Variants in ARSF observed in about 807,000 individuals in gnomAD.
ARSF encodes the protein arylsulfatase F.
A neutral mutation model predicts 35.4 loss-of-function variants in ARSF; 33 were observed. The ratio of observed to expected loss-of-function variants is 0.93; its 90% CI spans 0.71 to 1.25. The LOEUF (loss-of-function observed/expected upper bound fraction) is 1.25. Among genes scored for constraint, ARSF ranks in the 50% most tolerant of loss-of-function variants. The pLI is 0.00. For missense variants in ARSF, 501 were observed against 480.2 expected (o/e 1.04, Z -0.40); for synonymous variants, 222 against 193.1 (o/e 1.15, Z -1.24).
At chrX:3,070,926 G>A (rs1044859684) in intron 2 of ARSF, among the ~76,000 whole-genome samples, 4 of 95,763 alleles carry the variant, frequency 4.2e-5, no homozygotes, top group African/African-American at 1.5e-4. Flanking sequence ...TTATGGCTGA[G>A]TAGTATTCCA....
chrX:3,083,010 C>T (rs1217877884), intron 5 of ARSF, among the ~76,000 whole-genome samples: 1 of 109,661 alleles, frequency 9.1e-6, no homozygotes, highest in African/African-American at 3.3e-5. Context: ...CTCACTCTAT[C>T]TCTATCATCT....
chrX:3,059,136 C>A (rs1381481889), intron 1 of ARSF, among the ~76,000 whole-genome samples: 1 of 111,531 alleles, frequency 9.0e-6, no homozygotes, highest in Non-Finnish European at 1.9e-5. Context: ...ATCTGAATTA[C>A]AGTCACTTTT....
chrX:3,098,371 C>T (rs1433028958), intron 7 of ARSF, among the ~76,000 whole-genome samples: 1 of 109,758 alleles, frequency 9.1e-6, no homozygotes, highest in Admixed American at 9.8e-5. Flanking sequence ...GAGAGAGATG[C>T]ATCTACAAGA....
At chrX:3,108,437 C>A (rs1200894709) in intron 9 of ARSF, among the ~76,000 whole-genome samples, 1 of 111,468 alleles carries the variant, frequency 9.0e-6, no homozygotes, top group Non-Finnish European at 1.9e-5. Flanking sequence ...AAATATAGTT[C>A]ATTTCTCCAT....
intron 1 of ARSF, among the ~76,000 whole-genome samples, chrX:3,064,057 T>C (rs1448063679): frequency 9.0e-6 from 1 of 111,540 alleles, no homozygotes; most frequent in Non-Finnish European, 1.9e-5. Context: ...CAAACTATAC[T>C]ACAAGGCTAC....
chrX:3,091,833 T>C (rs1195856217), intron 7 of ARSF, among the ~76,000 whole-genome samples: 1 of 110,266 alleles, frequency 9.1e-6, no homozygotes, highest in South Asian at 3.9e-4. Context: ...TGATAGTTGA[T>C]AGATGATAGG....
At position 3,074,342 on chromosome X, in the gene ARSF, A is replaced by G. The variant is rs780604449; in HGVS notation, c.161+2167A>G. 2.7e-5 allele frequency among the ~76,000 whole-genome samples: 3 copies of G among 111,391 alleles called. No homozygotes were observed. The South Asian group carries it at 1.1e-3, about 42-fold the overall frequency. Reference sequence around the variant, plus strand: ...TTTGCAAAATAAATAATGTTTTAAAAGTTGGTAGGTGACTTCCATATCTGA... The same window carrying G: ...TTTGCAAAATAAATAATGTTTTAAAGGTTGGTAGGTGACTTCCATATCTGA... On this transcript the variant is annotated intron_variant, in intron 3 of 10. Coordinates refer to ENST00000381127, the MANE Select transcript of ARSF (RefSeq NM_001201539.2).
chrX:3,108,160 C>T (rs2090422600), intron 9 of ARSF, among the ~76,000 whole-genome samples: 1 of 111,959 alleles, frequency 8.9e-6, no homozygotes, highest in African/African-American at 3.2e-5. Context: ...TTCATTGATC[C>T]ATTGAAACCC....
intron 7 of ARSF, among the ~76,000 whole-genome samples, chrX:3,097,334 G>A (rs1240114327): frequency 8.9e-5 from 10 of 112,031 alleles, no homozygotes; most frequent in African/African-American, 2.9e-4. Context: ...ATAGCAAAAG[G>A]TTATCTGATA....
intron 1 of ARSF, among the ~76,000 whole-genome samples, chrX:3,056,275 ATT>A (rs773033087): frequency 5.9e-5 from 5 of 84,715 alleles, no homozygotes; most frequent in Non-Finnish European, 4.7e-5. Context: ...CATCATTCCT[ATT>A]TTTTTTTTTT....
chrX:3,108,982 C>T (rs1027255354), intron 9 of ARSF, among the ~76,000 whole-genome samples: 1 of 111,149 alleles, frequency 9.0e-6, no homozygotes, highest in African/African-American at 3.3e-5. Context: ...TGCCGTTGCA[C>T]TCCAGCCTGG....
At chrX:3,057,435 C>A (rs2090023250) in intron 1 of ARSF, among the ~76,000 whole-genome samples, 1 of 110,998 alleles carries the variant, frequency 9.0e-6, no homozygotes, top group Admixed American at 9.7e-5. Context: ...CCTCTTCATC[C>A]CATAATTCTG....
At chrX:3,084,716 T>G in intron 6 of ARSF, 50 bp downstream of exon 6, 1 of 1,075,556 alleles carries the variant, frequency 9.3e-7, no homozygotes, top group Non-Finnish European at 1.2e-6. Flanking sequence ...GATCTCTTTT[T>G]TAAAAGGACC....
intron 1 of ARSF, among the ~76,000 whole-genome samples, chrX:3,063,150 A>G (rs964195459): frequency 4.5e-5 from 5 of 112,025 alleles, no homozygotes; most frequent in Admixed American, 3.8e-4. Flanking sequence ...CTGGTTCAAC[A>G]TATGCAAATC....
At chrX:3,091,013 C>T (rs763821519) in intron 7 of ARSF, among the ~76,000 whole-genome samples, 29 of 100,753 alleles carry the variant, frequency 2.9e-4, no homozygotes, top group Non-Finnish European at 3.8e-4. Context: ...TGAGCTAATG[C>T]GATTCTCCTG....
chrX:3,052,780 A>C (rs1353001030), intron 1 of ARSF, among the ~76,000 whole-genome samples: 10 of 111,085 alleles, frequency 9.0e-5, no homozygotes, highest in Non-Finnish European at 1.9e-4. Context: ...TTTTTTATGC[A>C]TACGCCTGCA....
At chrX:3,087,459 G>T (rs1248907402) in intron 6 of ARSF, among the ~76,000 whole-genome samples, 1 of 110,209 alleles carries the variant, frequency 9.1e-6, no homozygotes, top group African/African-American at 3.3e-5. Context: ...CTCTGTGTTT[G>T]TGTCTCATCT....
intron 1 of ARSF, among the ~76,000 whole-genome samples, chrX:3,055,320 C>T (rs1260178281): frequency 1.6e-5 from 1 of 62,200 alleles, no homozygotes; most frequent in Admixed American, 2.4e-4. Context: ...CCAGCCTGGG[C>T]AACAAGAGCA....
chrX:3,104,510 G>C (rs1218676075), intron 9 of ARSF, among the ~76,000 whole-genome samples: 3 of 112,341 alleles, frequency 2.7e-5, no homozygotes, highest in Non-Finnish European at 5.6e-5. Flanking sequence ...TGGCTATTGT[G>C]AAGAGTGCTG....
Sources: allele counts gnomAD v4.1 joint callset (sites outside exome capture counted in the v4.1 genomes callset), GRCh38; gene constraint gnomAD v4.1.1; transcripts MANE v1.5; gene names NCBI Gene and HGNC (gene_info 2026-07-23, HGNC 2026-07-21).